ASH1L: variants seen among roughly 807,000 people sequenced by gnomAD.
ASH1L encodes the protein histone-lysine N-methyltransferase ASH1L.
A neutral mutation model predicts 269.0 loss-of-function variants in ASH1L; 23 were observed. The observed-to-expected ratio is 0.09, with a 90% CI of 0.06 to 0.12. ASH1L has a LOEUF of 0.12. Among genes scored for constraint, ASH1L ranks in the 10% least tolerant of loss-of-function variants. The pLI, the probability that ASH1L is intolerant of heterozygous loss-of-function variation, is 1.00. For synonymous variants in ASH1L, 1,187 were observed against 1,253.5 expected, an observed-to-expected ratio of 0.95 and a Z score of 1.12; for missense variants, 2,912 against 3,567.8, an observed-to-expected ratio of 0.82 and a Z score of 4.68.
intron 4 of ASH1L, among the ~76,000 whole-genome samples, chr1:155,443,800 T>C (rs1662783037): frequency 2.6e-5 from 4 of 152,158 alleles, no homozygotes. Context: ...ATATTTCTTT[T>C]TACAACTGAA....
At chr1:155,339,202 C>T in intron 26 of ASH1L, 126 bp downstream of exon 26, 1 of 808,940 alleles carries the variant, frequency 1.2e-6, no homozygotes, top group Non-Finnish European at 2.1e-6. Context: ...TGGCACTACA[C>T]TGGGCTACTC....
intron 5 of ASH1L, chr1:155,433,892 G>C (rs777473761): frequency 1.3e-6 from 2 of 1,599,796 alleles, no homozygotes; most frequent in Non-Finnish European, 1.7e-6. Context: ...AACCAGTATC[G>C]AGAACCGAGT....
intron 3 of ASH1L, among the ~76,000 whole-genome samples, chr1:155,467,275 C>T (rs1055713901): frequency 4.6e-5 from 7 of 152,096 alleles, no homozygotes; most frequent in African/African-American, 1.7e-4. Context: ...GAAACTCTTG[C>T]CCATGAGACC....
chr1:155,428,195 T>C (rs1165839130), intron 5 of ASH1L, among the ~76,000 whole-genome samples: 1 of 152,122 alleles, frequency 6.6e-6, no homozygotes, highest in African/African-American at 2.4e-5. Flanking sequence ...TCCCAGCACT[T>C]TGGGAGGCCA....
chr1:155,501,278 C>T (rs1380190906), intron 2 of ASH1L, among the ~76,000 whole-genome samples: 1 of 152,164 alleles, frequency 6.6e-6, no homozygotes, highest in Non-Finnish European at 1.5e-5. Context: ...TCAAGCAATC[C>T]TCCTGCCTCA....
intron 8 of ASH1L, among the ~76,000 whole-genome samples, chr1:155,378,809 T>A (rs895908922): frequency 6.6e-6 from 1 of 152,232 alleles, no homozygotes; most frequent in African/African-American, 2.4e-5. Context: ...CTTCAGCATG[T>A]TGTTGGATAG....
At chr1:155,495,160 G>A (rs1439782769) in intron 2 of ASH1L, among the ~76,000 whole-genome samples, 1 of 152,188 alleles carries the variant, frequency 6.6e-6, no homozygotes, top group Non-Finnish European at 1.5e-5. Context: ...AATCTAAAAA[G>A]TAAGTAAAGA....
chr1:155,501,094 A>T (rs1667469261), intron 2 of ASH1L, among the ~76,000 whole-genome samples: 1 of 152,208 alleles, frequency 6.6e-6, no homozygotes, highest in Non-Finnish European at 1.5e-5. Flanking sequence ...ATTAATAATA[A>T]AATTGTTTGA....
intron 4 of ASH1L, among the ~76,000 whole-genome samples, chr1:155,450,688 C>T (rs1379038847): frequency 6.6e-6 from 1 of 152,154 alleles, no homozygotes; most frequent in Non-Finnish European, 1.5e-5. Context: ...CGAGGAATTC[C>T]ACTTCTGGGT....
chr1:155,532,561 C>T (rs898871692), intron 1 of ASH1L, among the ~76,000 whole-genome samples: 2 of 151,966 alleles, frequency 1.3e-5, no homozygotes, highest in African/African-American at 4.8e-5. Flanking sequence ...GTTGCTCATG[C>T]CTATAAATCC....
intron 2 of ASH1L, among the ~76,000 whole-genome samples, chr1:155,492,918 A>G (rs569078201): frequency 2.6e-5 from 4 of 152,054 alleles, no homozygotes; most frequent in African/African-American, 7.2e-5. Flanking sequence ...TGCCCCCCCA[A>G]GCTCTAGCCA....
intron 3 of ASH1L, among the ~76,000 whole-genome samples, chr1:155,475,891 C>A (rs546008331): frequency 5.3e-5 from 8 of 152,244 alleles, no homozygotes; most frequent in Non-Finnish European, 1.2e-4. Flanking sequence ...TTTAACAACA[C>A]GTAATGTGAT....
Position 155,454,109 on chromosome 1 carries a change from A to T in ASH1L, c.5086+5688T>A, listed in dbSNP as rs186379255. Among the ~76,000 whole-genome samples the T allele has an allele frequency of 1.5e-3, 221 of 152,344 alleles. 1 individual carries two copies. The highest frequency in any genetic ancestry group is 4.4e-3 in the African/African-American group (183 of 41,588). On this transcript the variant is annotated intron_variant, in intron 4 of 27. Coordinates refer to ENST00000392403, the MANE Select transcript of ASH1L (RefSeq NM_018489.3). ...GACGGAGCAAGACTCCATCTCAAAA[A>T]ATAAGAGAAGTTACCATTTACTCAA...
Position 155,479,231 on chromosome 1 carries a change from C to T in ASH1L, c.3639G>A (p.Arg1213=), listed in dbSNP as rs1175750609. The change falls in exon 3 of 28, where the codon AGG becomes AGA. Residue 1213 remains arginine, a synonymous_variant. Coordinates refer to ENST00000392403, the MANE Select transcript of ASH1L (RefSeq NM_018489.3). ...TTTTTTGCCCACAAAATTTCTCTGC[C>T]CTGTCTGATGTGCTGTTATTATCTG... The part of the protein sequence containing the change: ...IGTDNNSTSD[R]AEKFCGQKKR... 7.4e-6 allele frequency: 12 copies of T among 1,613,858 alleles called. No individual in the cohort carries two copies. Among genetic ancestry groups the T allele is most frequent in the Middle Eastern group, 1.6e-4 (1 of 6,084 alleles).
intron 1 of ASH1L, among the ~76,000 whole-genome samples, chr1:155,546,279 C>T (rs1034172900): frequency 6.0e-5 from 9 of 149,916 alleles, no homozygotes; most frequent in Non-Finnish European, 1.3e-4. Context: ...TGCAATGAGC[C>T]GATATCGTGC....
intron 5 of ASH1L, 90 bp downstream of exon 5, chr1:155,438,237 A>G (rs928273358): frequency 6.1e-6 from 8 of 1,318,148 alleles, no homozygotes; most frequent in South Asian, 4.6e-5. Context: ...ATGAAAGGTT[A>G]TAAGATGAAA....
chr1:155,394,537 G>A (rs1199082439), intron 7 of ASH1L, among the ~76,000 whole-genome samples: 1 of 152,122 alleles, frequency 6.6e-6, no homozygotes, highest in Non-Finnish European at 1.5e-5. Flanking sequence ...AGATAGCAAT[G>A]AGATTTGGAG....
Position 155,496,796 on chromosome 1 carries a change from G to A in ASH1L, c.421-14347C>T, listed in dbSNP as rs563861884. 4.0e-5 allele frequency among the ~76,000 whole-genome samples: 6 copies of A among 151,898 alleles called. No homozygotes were observed. In the East Asian group the frequency reaches 5.8e-4, roughly 15 times the overall value. ...TGGGATCACAAGCATGTGCAATCAC[G>A]CTTGGCTATTTTTTTTTTTTAATTT... On this transcript the variant is annotated intron_variant, in intron 2 of 27. Coordinates refer to ENST00000392403, the MANE Select transcript of ASH1L (RefSeq NM_018489.3).
At chr1:155,532,957 A>C (rs1191037811) in intron 1 of ASH1L, among the ~76,000 whole-genome samples, 1 of 80,504 alleles carries the variant, frequency 1.2e-5, no homozygotes, top group African/African-American at 4.8e-5. Flanking sequence ...GTGTATATAT[A>C]TATGGGGGGA....
Sources: gnomAD v4.1 joint callset for allele counts (sites outside exome capture counted in the v4.1 genomes callset) on GRCh38, gnomAD v4.1.1 for gene constraint, MANE v1.5 for transcripts, NCBI Gene and HGNC (gene_info 2026-07-23, HGNC 2026-07-21) for gene names.